TCF7L2: variants seen among roughly 807,000 people sequenced by gnomAD.
TCF7L2 encodes transcription factor 7-like 2.
TCF7L2 carries 23 observed loss-of-function variants against 77.9 expected under a neutral mutation model. The observed-to-expected ratio is 0.30, with a 90% confidence interval of 0.21 to 0.42. The LOEUF is 0.42. TCF7L2 is among the 10% of genes least tolerant of loss of function. The pLI is 1.00. For missense variants in TCF7L2, 654 were observed against 793.1 expected (o/e 0.82, Z 2.11); for synonymous variants, 413 against 340.2 (o/e 1.21, Z -2.36).
At chr10:113,140,150 C>G (rs977417299) in intron 5 of TCF7L2, among the ~76,000 whole-genome samples, 2 of 152,092 alleles carry the variant, frequency 1.3e-5, no homozygotes. Context: ...TTGGATTACT[C>G]TCAGTAAATG....
At chr10:113,029,328 G>A (rs2049787751) in intron 4 of TCF7L2, among the ~76,000 whole-genome samples, 1 of 152,022 alleles carries the variant, frequency 6.6e-6, no homozygotes, top group Admixed American at 6.6e-5. Context: ...TCTTTCACAA[G>A]GTCTTGGAGT....
intron 5 of TCF7L2, among the ~76,000 whole-genome samples, chr10:113,063,192 C>T (rs1240301440): frequency 3.3e-5 from 5 of 152,130 alleles, no homozygotes; most frequent in South Asian, 2.1e-4. Context: ...TCATGACACC[C>T]GCCCCACCCG....
chr10:113,088,887 T>C (rs1035755738), intron 5 of TCF7L2, among the ~76,000 whole-genome samples: 1 of 151,676 alleles, frequency 6.6e-6, no homozygotes, highest in African/African-American at 2.4e-5. Flanking sequence ...GAGGATTGCT[T>C]GAGCCCAGGA....
At chr10:112,984,493 A>G (rs1024297048) in intron 4 of TCF7L2, among the ~76,000 whole-genome samples, 5 of 152,058 alleles carry the variant, frequency 3.3e-5, no homozygotes, top group African/African-American at 1.2e-4. Flanking sequence ...GTGATGATTT[A>G]TTCCCTACCT....
chr10:113,139,621 T>C (rs558065395), intron 5 of TCF7L2, among the ~76,000 whole-genome samples: 1 of 152,310 alleles, frequency 6.6e-6, no homozygotes, highest in South Asian at 2.1e-4. Context: ...TAGGAATTGG[T>C]AAACCAGGCT....
At chr10:112,986,527 G>T (rs1437488394) in intron 4 of TCF7L2, among the ~76,000 whole-genome samples, 1 of 152,154 alleles carries the variant, frequency 6.6e-6, no homozygotes, top group Non-Finnish European at 1.5e-5. Flanking sequence ...ATTCTCAAGT[G>T]AGTCAATCTA....
chr10:112,970,902 G>A (rs1270060923), intron 4 of TCF7L2, among the ~76,000 whole-genome samples: 1 of 152,198 alleles, frequency 6.6e-6, no homozygotes, highest in Non-Finnish European at 1.5e-5. Context: ...CTTAGGCTGT[G>A]ACATTTCATG....
At chr10:113,038,579 T>A (rs1328590128) in intron 4 of TCF7L2, among the ~76,000 whole-genome samples, 9 of 152,228 alleles carry the variant, frequency 5.9e-5, no homozygotes, top group Non-Finnish European at 1.3e-4. Flanking sequence ...CTCGTGGGAT[T>A]TGTGCAAACC....
At chr10:113,053,128 C>T (rs767863782) in intron 5 of TCF7L2, among the ~76,000 whole-genome samples, 5 of 152,058 alleles carry the variant, frequency 3.3e-5, no homozygotes, top group Non-Finnish European at 5.9e-5. Context: ...AAAATGTAAC[C>T]CATTGAGAGG....
intron 4 of TCF7L2, among the ~76,000 whole-genome samples, chr10:113,014,616 C>G (rs1486062449): frequency 6.6e-6 from 1 of 152,026 alleles, no homozygotes; most frequent in Non-Finnish European, 1.5e-5. Context: ...GAAACCCCGT[C>G]TCTACTAAAA....
At chr10:113,129,925 G>C in intron 5 of TCF7L2, 1 of 1,295,000 alleles carries the variant, frequency 7.7e-7, no homozygotes, top group Non-Finnish European at 1.0e-6. Context: ...GGGAGGCGCA[G>C]TGGCCTCCGG....
At chr10:113,030,768 C>T (rs973312726) in intron 4 of TCF7L2, among the ~76,000 whole-genome samples, 2 of 152,238 alleles carry the variant, frequency 1.3e-5, no homozygotes, top group African/African-American at 4.8e-5. Context: ...CTTCCAATGT[C>T]TTCATGTCCT....
At chr10:113,087,103 G>C (rs758011477) in intron 5 of TCF7L2, among the ~76,000 whole-genome samples, 42 of 152,218 alleles carry the variant, frequency 2.8e-4, no homozygotes, top group Non-Finnish European at 5.7e-4. Flanking sequence ...AGTAGCCCCT[G>C]ATGCGCTGTT....
intron 1 of TCF7L2, 85 bp from the exon 2 acceptor site, chr10:112,951,120 CGA>C: frequency 8.0e-7 from 1 of 1,252,470 alleles, no homozygotes; most frequent in Non-Finnish European, 1.1e-6. Flanking sequence ...ACCCCCCCCT[CGA>C]CCTCGCCGAT....
At chr10:112,974,733 G>A (rs777808680) in intron 4 of TCF7L2, among the ~76,000 whole-genome samples, 11 of 152,020 alleles carry the variant, frequency 7.2e-5, no homozygotes, top group East Asian at 3.9e-4. Flanking sequence ...ATGAACCACC[G>A]CGCCCGGCTG....
intron 5 of TCF7L2, among the ~76,000 whole-genome samples, chr10:113,132,428 A>G (rs1051168132): frequency 6.6e-6 from 1 of 152,188 alleles, no homozygotes; most frequent in Non-Finnish European, 1.5e-5. Flanking sequence ...TCTTTCTTTA[A>G]TTCCCCAGGA....
At chr10:113,153,985 G>A (rs966488096) in intron 11 of TCF7L2, among the ~76,000 whole-genome samples, 7 of 152,216 alleles carry the variant, frequency 4.6e-5, no homozygotes, top group South Asian at 2.1e-4. Context: ...AGCTGGCAGC[G>A]CTAGACTGTG....
chr10:113,044,954 A>T (rs1382933903), intron 5 of TCF7L2, among the ~76,000 whole-genome samples: 2 of 151,892 alleles, frequency 1.3e-5, no homozygotes, highest in African/African-American at 4.8e-5. Flanking sequence ...GGCAGTGGGG[A>T]TGGTGAAAAT....
intron 5 of TCF7L2, among the ~76,000 whole-genome samples, chr10:113,094,832 C>G (rs1199420622): frequency 6.6e-6 from 1 of 152,166 alleles, no homozygotes; most frequent in African/African-American, 2.4e-5. Context: ...CAAAGTTCCG[C>G]TGTTGGCCGG....
Sources: gnomAD v4.1 joint callset for allele counts (sites outside exome capture counted in the v4.1 genomes callset) on GRCh38, gnomAD v4.1.1 for gene constraint, MANE v1.5 for transcripts, NCBI Gene and HGNC (gene_info 2026-07-23, HGNC 2026-07-21) for gene names.